ROBO2: variants seen among roughly 807,000 people sequenced by gnomAD.
ROBO2 encodes the protein roundabout guidance receptor 2.
In ROBO2, 53 loss-of-function variants were observed where a neutral mutation model predicts 160.8. The ratio of observed to expected loss-of-function variants is 0.33; its 90% CI spans 0.26 to 0.41. ROBO2 has a LOEUF of 0.41. Among genes scored for constraint, ROBO2 ranks in the 10% least tolerant of loss-of-function variants. ROBO2 has a pLI of 1.00. For missense variants in ROBO2, 1,577 were observed against 1,722.4 expected, an observed-to-expected ratio of 0.92 and a Z score of 1.49; for synonymous variants, 664 against 611.7, an observed-to-expected ratio of 1.09 and a Z score of -1.26.
At chr3:76,907,504 C>A (rs2075683447) in intron 2 of ROBO2, among the ~76,000 whole-genome samples, 1 of 152,094 alleles carries the variant, frequency 6.6e-6, no homozygotes, top group South Asian at 2.1e-4. Context: ...TTCTTTCTCT[C>A]TCTTCTTGTA....
chr3:76,025,666 A>G (rs540285428), intron 2 of ROBO2, among the ~76,000 whole-genome samples: 27 of 151,916 alleles, frequency 1.8e-4, no homozygotes, highest in African/African-American at 6.3e-4. Flanking sequence ...AGTTGTTGGA[A>G]TGATCACATT....
At chr3:76,555,453 A>T (rs2083729141) in intron 2 of ROBO2, among the ~76,000 whole-genome samples, 1 of 147,566 alleles carries the variant, frequency 6.8e-6, no homozygotes, top group Admixed American at 6.8e-5. Context: ...AGGAAGAGGA[A>T]GAGGAAGAGG....
At chr3:76,709,577 C>A (rs1472479935) in intron 2 of ROBO2, among the ~76,000 whole-genome samples, 4 of 152,028 alleles carry the variant, frequency 2.6e-5, no homozygotes, top group African/African-American at 9.7e-5. Context: ...ATTGTCAGAA[C>A]ACAGGAAGGA....
intron 2 of ROBO2, among the ~76,000 whole-genome samples, chr3:76,145,614 A>G (rs1217919624): frequency 3.3e-5 from 5 of 152,068 alleles, no homozygotes; most frequent in South Asian, 4.1e-4. Flanking sequence ...ATCTATATCT[A>G]TGTATATGAG....
chr3:76,408,117 A>T (rs2075304746), intron 2 of ROBO2, among the ~76,000 whole-genome samples: 1 of 152,094 alleles, frequency 6.6e-6, no homozygotes, highest in Admixed American at 6.6e-5. Context: ...TAAAAGTATA[A>T]CAAAAATAGT....
Position 77,509,623 on chromosome 3 carries a change from A to G in ROBO2, c.807-13152A>G, listed in dbSNP as rs116028630. 5.2e-3 allele frequency among the ~76,000 whole-genome samples: 790 copies of G among 152,154 alleles called. 9 individuals carry two copies. The highest frequency in any genetic ancestry group is 0.018 in the African/African-American group (755 of 41,534). On this transcript the variant is annotated intron_variant, in intron 5 of 25. Coordinates refer to ENST00000461745, the Ensembl canonical transcript of ROBO2. Reference sequence around the variant, plus strand: ...AGAGTTCAAAGTTCAGTAAACAGAAAATAAAGTGATTCTTCTGCTCAAAAT... The same window carrying G: ...AGAGTTCAAAGTTCAGTAAACAGAAGATAAAGTGATTCTTCTGCTCAAAAT...
intron 2 of ROBO2, among the ~76,000 whole-genome samples, chr3:77,416,605 T>G (rs929200433): frequency 1.3e-5 from 2 of 150,234 alleles, no homozygotes; most frequent in Admixed American, 6.7e-5. Context: ...TAATCCCAGC[T>G]ACTCAGGAGG....
chr3:76,521,460 G>A (rs973707039), intron 2 of ROBO2, among the ~76,000 whole-genome samples: 17 of 152,162 alleles, frequency 1.1e-4, no homozygotes, highest in Non-Finnish European at 1.9e-4. Context: ...GAACAGCAGA[G>A]ATGCGGGAGG....
chr3:76,175,559 T>C (rs1369123545), intron 2 of ROBO2, among the ~76,000 whole-genome samples: 1 of 152,074 alleles, frequency 6.6e-6, no homozygotes, highest in African/African-American at 2.4e-5. Flanking sequence ...GGACCTCAGC[T>C]AGAGAAAGAT....
chr3:76,295,399 C>T (rs113259279), intron 2 of ROBO2, among the ~76,000 whole-genome samples: 7 of 151,734 alleles, frequency 4.6e-5, no homozygotes, highest in East Asian at 2.0e-4. Flanking sequence ...ATCACTGTTA[C>T]GTAATCCCTG....
chr3:77,554,270 A>T (rs2093030858), intron 8 of ROBO2, among the ~76,000 whole-genome samples: 1 of 151,932 alleles, frequency 6.6e-6, no homozygotes, highest in South Asian at 2.1e-4. Flanking sequence ...AGAAAAAAAA[A>T]TTCCTTTCAA....
At chr3:77,188,969 G>GTGTGTGTGTGAGAGAGAC in intron 2 of ROBO2, among the ~76,000 whole-genome samples, 1 of 86,870 alleles carries the variant, frequency 1.2e-5, no homozygotes, top group African/African-American at 3.8e-5. Flanking sequence ...GTGTGTGTGT[G>GTGTGTGTGTGAGAGAGAC]AGAGAGAGAG....
intron 2 of ROBO2, among the ~76,000 whole-genome samples, chr3:77,288,741 C>T (rs2060797658): frequency 1.3e-5 from 2 of 152,002 alleles, no homozygotes; most frequent in South Asian, 4.1e-4. Context: ...GGATTGCATT[C>T]ATATGTACTG....
intron 2 of ROBO2, among the ~76,000 whole-genome samples, chr3:77,339,062 A>G (rs536385721): frequency 3.5e-4 from 53 of 152,230 alleles, no homozygotes; most frequent in South Asian, 1.5e-3. Context: ...TTTCATTTAA[A>G]TTATTTTCTT....
At chr3:76,812,430 T>C (rs1259020325) in intron 2 of ROBO2, among the ~76,000 whole-genome samples, 1 of 150,594 alleles carries the variant, frequency 6.6e-6, no homozygotes. Context: ...CCCTTAGTTA[T>C]CAGAGAGATT....
At chr3:76,486,023 C>G (rs541960199) in intron 2 of ROBO2, among the ~76,000 whole-genome samples, 1 of 152,294 alleles carries the variant, frequency 6.6e-6, no homozygotes, top group South Asian at 2.1e-4. Flanking sequence ...TCTCCAGCTA[C>G]AACATCTTGA....
At chr3:76,103,452 G>A (rs1559554496) in intron 2 of ROBO2, among the ~76,000 whole-genome samples, 3 of 152,152 alleles carry the variant, frequency 2.0e-5, no homozygotes, top group Non-Finnish European at 2.9e-5. Context: ...AGTCTGCAAC[G>A]CACCCTCTGC....
At chr3:77,477,616 T>G (rs191930951) in intron 3 of ROBO2, 45 bp downstream of exon 3, 1 of 1,546,846 alleles carries the variant, frequency 6.5e-7, no homozygotes, top group East Asian at 2.2e-5. Flanking sequence ...GAATTTTCAG[T>G]CTCAAAATAC....
intron 2 of ROBO2, among the ~76,000 whole-genome samples, chr3:76,834,313 A>C (rs1190410347): frequency 6.6e-6 from 1 of 151,174 alleles, no homozygotes; most frequent in Non-Finnish European, 1.5e-5. Flanking sequence ...TCAGCTTCCC[A>C]AGTAGCTGTA....
Sources: allele counts gnomAD v4.1 joint callset (sites outside exome capture counted in the v4.1 genomes callset), GRCh38; gene constraint gnomAD v4.1.1; transcripts MANE v1.5; gene names NCBI Gene and HGNC (gene_info 2026-07-23, HGNC 2026-07-21).